The following ZBTB20 variants were observed in gnomAD, a reference collection of about 807,000 sequenced individuals.
ZBTB20 encodes zinc finger and BTB domain-containing protein 20.
In ZBTB20, 9 loss-of-function variants were observed where a neutral mutation model predicts 56.9. The observed-to-expected ratio is 0.16, with a 90% CI of 0.10 to 0.28. ZBTB20 has a LOEUF of 0.28. Among genes scored for constraint, ZBTB20 ranks in the 10% least tolerant of loss-of-function variants. ZBTB20 has a pLI of 1.00. For missense variants in ZBTB20, 655 were observed against 1,003.0 expected (o/e 0.65, Z 4.69); for synonymous variants, 417 against 420.7 (o/e 0.99, Z 0.11).
chr3:114,857,218 G>A (rs1037650742), intron 4 of ZBTB20, among the ~76,000 whole-genome samples: 5 of 152,040 alleles, frequency 3.3e-5, no homozygotes, highest in African/African-American at 7.2e-5. Flanking sequence ...TGAGATAAAT[G>A]GTAAATATTG....
chr3:114,353,708 T>C (rs1421865328), intron 10 of ZBTB20, among the ~76,000 whole-genome samples: 1 of 152,220 alleles, frequency 6.6e-6, no homozygotes, highest in Non-Finnish European at 1.5e-5. Context: ...GAGTTCGCCA[T>C]ACATACATAC....
rs2056224018 is a variant in ZBTB20 at position 114,595,358 on chromosome 3, G to C, written c.-294-94967C>G. The stretch of plus-strand genomic sequence containing the variant: ...TTTCCCTTTCTGATGAGAAACTAAA[G>C]GTCACATAGGTCCTGAGTTGTATTA... On this transcript the variant is annotated intron_variant, in intron 6 of 11. Transcript: ENST00000675478. Among the ~76,000 whole-genome samples the C allele has an allele frequency of 2.0e-5, 3 of 152,166 alleles. No individual in the cohort carries two copies. In the South Asian group the frequency reaches 6.2e-4, roughly 32 times the overall value.
intron 3 of ZBTB20, among the ~76,000 whole-genome samples, chr3:114,971,631 CA>C (rs1485220463): frequency 6.6e-6 from 1 of 151,946 alleles, no homozygotes; most frequent in Non-Finnish European, 1.5e-5. Flanking sequence ...TAGAAACTGT[CA>C]AAAAAAGTGG....
At chr3:115,132,314 A>G (rs1364673279) in intron 1 of ZBTB20, among the ~76,000 whole-genome samples, 1 of 152,050 alleles carries the variant, frequency 6.6e-6, no homozygotes, top group Non-Finnish European at 1.5e-5. Flanking sequence ...TCCCATTGGG[A>G]AAAAAAGTCT....
intron 4 of ZBTB20, among the ~76,000 whole-genome samples, chr3:114,854,979 A>C (rs1311085935): frequency 2.0e-5 from 3 of 152,204 alleles, no homozygotes; most frequent in African/African-American, 7.2e-5. Context: ...TCTTTTGTCT[A>C]AACTTCTTCT....
At chr3:114,789,723 T>C (rs543334740) in intron 5 of ZBTB20, among the ~76,000 whole-genome samples, 2 of 152,260 alleles carry the variant, frequency 1.3e-5, no homozygotes, top group South Asian at 4.1e-4. Context: ...GTTACAAGGA[T>C]AATTAATATC....
At chr3:114,867,419 AG>A (rs1212362973) in intron 4 of ZBTB20, among the ~76,000 whole-genome samples, 2 of 152,190 alleles carry the variant, frequency 1.3e-5, no homozygotes, top group African/African-American at 4.8e-5. Flanking sequence ...TTTATAGAAA[AG>A]GTCAAGTTTG....
At chr3:114,971,372 G>A (rs902455038) in intron 3 of ZBTB20, among the ~76,000 whole-genome samples, 1 of 152,180 alleles carries the variant, frequency 6.6e-6, no homozygotes, top group Non-Finnish European at 1.5e-5. Context: ...ATTTTGGGGG[G>A]TTCCAGTCTT....
Position 114,875,707 on chromosome 3 carries a change from A to T in ZBTB20, c.-417+24597T>A, listed in dbSNP as rs116957628. On this transcript the variant is annotated intron_variant, in intron 4 of 11. Coordinates refer to ENST00000675478, the MANE Select transcript of ZBTB20 (RefSeq NM_001348800.3). The stretch of plus-strand genomic sequence containing the variant: ...AACCTATCAGAAAAACCTGGCTATG[A>T]CATTTCCTGGCTAAGTGATTTAACT... 7.2e-5 allele frequency among the ~76,000 whole-genome samples: 11 copies of T among 152,286 alleles called. No individual in the cohort carries two copies. In the East Asian group the frequency reaches 2.1e-3, roughly 29 times the overall value.
At chr3:114,415,534 T>C (rs1481730741) in intron 7 of ZBTB20, among the ~76,000 whole-genome samples, 1 of 152,120 alleles carries the variant, frequency 6.6e-6, no homozygotes. Flanking sequence ...GCTTACTCGG[T>C]TAGAACATAG....
At chr3:114,669,567 T>A (rs1012186649) in intron 6 of ZBTB20, among the ~76,000 whole-genome samples, 1 of 151,896 alleles carries the variant, frequency 6.6e-6, no homozygotes, top group East Asian at 1.9e-4. Context: ...TCATCGACTA[T>A]GCAACATTAT....
rs185576038 is a variant in ZBTB20 at position 114,796,281 on chromosome 3, T to C, written c.-343+4820A>G. On this transcript the variant is annotated intron_variant, in intron 5 of 11. Transcript: ENST00000675478. ...ATTTGCATATGAAAAAATTGAATGA[T>C]GGACATTCCAGATGCTGGAACAATA... Among the ~76,000 whole-genome samples the C allele has an allele frequency of 3.5e-3, 533 of 152,024 alleles. 1 individual carries two copies. The highest frequency in any genetic ancestry group is 0.016 in the South Asian group (75 of 4,820).
intron 5 of ZBTB20, among the ~76,000 whole-genome samples, chr3:114,773,758 A>G (rs1250833867): frequency 6.6e-6 from 1 of 152,236 alleles, no homozygotes; most frequent in Non-Finnish European, 1.5e-5. Flanking sequence ...AAGAAAGTCC[A>G]GGCAAATGTA....
intron 3 of ZBTB20, among the ~76,000 whole-genome samples, chr3:114,912,268 A>G (rs1313576126): frequency 2.0e-5 from 3 of 151,064 alleles, no homozygotes; most frequent in Non-Finnish European, 4.4e-5. Context: ...AATGCTAAAG[A>G]AAGCTCTTGG....
intron 5 of ZBTB20, among the ~76,000 whole-genome samples, chr3:114,744,748 T>C (rs2066898928): frequency 6.6e-6 from 1 of 152,176 alleles, no homozygotes; most frequent in Non-Finnish European, 1.5e-5. Context: ...TGTGTGTGTA[T>C]ATAGAATATA....
chr3:115,087,589 T>C (rs1444899096), intron 1 of ZBTB20, among the ~76,000 whole-genome samples: 1 of 151,872 alleles, frequency 6.6e-6, no homozygotes, highest in Non-Finnish European at 1.5e-5. Flanking sequence ...GCAAAAAAGC[T>C]GGATTGTCCA....
chr3:114,380,488 A>AT (rs144598152), intron 9 of ZBTB20, 84 bp from the exon 10 acceptor site: 41,151 of 1,297,930 alleles, frequency 0.032, 283 homozygotes, highest in South Asian at 0.079. Flanking sequence ...AGATAACTTG[A>AT]TTTTTTTTTT....
At position 114,646,700 on chromosome 3, in the gene ZBTB20, T is replaced by C. The variant is rs541940390; in HGVS notation, c.-295+46828A>G. Among the ~76,000 whole-genome samples, 13 of 152,334 alleles carry C rather than the reference T, an allele frequency of 8.5e-5. 1 individual carries two copies. In the East Asian group the frequency reaches 2.5e-3, roughly 29 times the overall value. ...ATTTCTATTCAAAAGCCCTATTTTG[T>C]TTAGTTACAAGGGATTTGATCCCCT... On this transcript the variant is annotated intron_variant, in intron 6 of 11. Coordinates refer to ENST00000675478, the MANE Select transcript of ZBTB20 (RefSeq NM_001348800.3).
At chr3:114,633,011 A>G (rs1321237312) in intron 6 of ZBTB20, among the ~76,000 whole-genome samples, 1 of 152,254 alleles carries the variant, frequency 6.6e-6, no homozygotes, top group African/African-American at 2.4e-5. Context: ...GAGACCAAAC[A>G]TGAATATGAC....
Sources: allele counts gnomAD v4.1 joint callset (sites outside exome capture counted in the v4.1 genomes callset), GRCh38; gene constraint gnomAD v4.1.1; transcripts MANE v1.5; gene names NCBI Gene and HGNC (gene_info 2026-07-23, HGNC 2026-07-21).